CDK14: variants seen among roughly 807,000 people sequenced by gnomAD.
CDK14 encodes the protein cyclin dependent kinase 14.
A neutral mutation model predicts 60.7 loss-of-function variants in CDK14; 34 were observed. The ratio of observed to expected loss-of-function variants is 0.56; its 90% CI spans 0.43 to 0.75. The LOEUF (loss-of-function observed/expected upper bound fraction) is 0.75, where lower values mean the gene tolerates loss of function less well. Ranked by LOEUF, CDK14 falls within the 30% of genes least tolerant of loss-of-function variation. The pLI, the probability that CDK14 is intolerant of heterozygous loss-of-function variation, is 0.00. For missense variants in CDK14, 482 were observed against 564.1 expected, an observed-to-expected ratio of 0.85 and a Z score of 1.47; for synonymous variants, 197 against 203.7, an observed-to-expected ratio of 0.97 and a Z score of 0.28.
intron 9 of CDK14, among the ~76,000 whole-genome samples, chr7:90,958,962 G>A (rs1272783597): frequency 6.6e-6 from 1 of 152,108 alleles, no homozygotes; most frequent in Non-Finnish European, 1.5e-5. Flanking sequence ...AATGGACTGT[G>A]ACATAATATG....
intron 12 of CDK14, among the ~76,000 whole-genome samples, chr7:91,089,671 A>G (rs888047996): frequency 6.6e-6 from 1 of 151,926 alleles, no homozygotes; most frequent in Non-Finnish European, 1.5e-5. Flanking sequence ...TGTCTCTGTT[A>G]GAGAAGCCAG....
intron 2 of CDK14, among the ~76,000 whole-genome samples, chr7:90,645,080 A>G (rs1800431642): frequency 6.6e-6 from 1 of 152,170 alleles, no homozygotes; most frequent in South Asian, 2.1e-4. Flanking sequence ...GGCAGAAAGG[A>G]TGAGAGTTCC....
At chr7:91,182,844 T>G (rs1802046663) in intron 14 of CDK14, among the ~76,000 whole-genome samples, 1 of 152,214 alleles carries the variant, frequency 6.6e-6, no homozygotes, top group Non-Finnish European at 1.5e-5. Context: ...GTGAGATTAT[T>G]TGGAGACTCA....
At chr7:90,838,059 T>A (rs369729278) in intron 5 of CDK14, among the ~76,000 whole-genome samples, 1 of 152,044 alleles carries the variant, frequency 6.6e-6, no homozygotes, top group Admixed American at 6.6e-5. Flanking sequence ...GGTGGTCGAG[T>A]GTTGCAGGAA....
chr7:91,187,887 G>C (rs1367236985), intron 14 of CDK14, among the ~76,000 whole-genome samples: 2 of 151,102 alleles, frequency 1.3e-5, no homozygotes, highest in Non-Finnish European at 3.0e-5. Flanking sequence ...GCGCCATACT[G>C]TCTTCTCCTT....
intron 14 of CDK14, among the ~76,000 whole-genome samples, chr7:91,189,217 T>C (rs1802278749): frequency 6.6e-6 from 1 of 152,182 alleles, no homozygotes; most frequent in African/African-American, 2.4e-5. Flanking sequence ...TAAATAATGC[T>C]CATCAACTAA....
intron 4 of CDK14, among the ~76,000 whole-genome samples, chr7:90,775,324 A>G (rs1253166558): frequency 6.6e-6 from 1 of 152,198 alleles, no homozygotes; most frequent in Non-Finnish European, 1.5e-5. Flanking sequence ...ATTTTTAGAT[A>G]CAGTATGATA....
intron 14 of CDK14, among the ~76,000 whole-genome samples, chr7:91,142,485 T>G (rs990158218): frequency 6.6e-6 from 1 of 152,226 alleles, no homozygotes; most frequent in Non-Finnish European, 1.5e-5. Context: ...GTGTCAAATG[T>G]AAAAATAGCC....
chr7:90,811,230 CA>C (rs1470447953), intron 5 of CDK14, among the ~76,000 whole-genome samples: 24 of 152,104 alleles, frequency 1.6e-4, no homozygotes, highest in Non-Finnish European at 1.5e-5. Flanking sequence ...TACAAGGCTA[CA>C]GTAACCAAAA....
Position 91,173,377 on chromosome 7 carries a change from T to G in CDK14, c.*29-33788T>G, listed in dbSNP as rs1460599066. Among the ~76,000 whole-genome samples the G allele has an allele frequency of 2.6e-5, 4 of 151,762 alleles. No homozygotes were observed. The East Asian group carries it at 7.8e-4, about 29-fold the overall frequency. On this transcript the variant is annotated intron_variant, in intron 14 of 14. Coordinates refer to ENST00000380050, the MANE Select transcript of CDK14 (RefSeq NM_001287135.2). ...GGGAGGTTGGAGCAATGGGATCACT[T>G]GAGCCCAGGAATTCAAGACCAGCCT...
intron 2 of CDK14, among the ~76,000 whole-genome samples, chr7:90,617,790 G>C (rs186531100): frequency 1.3e-5 from 2 of 151,988 alleles, no homozygotes; most frequent in Admixed American, 6.6e-5. Flanking sequence ...TTGATCCTTC[G>C]GGTAGTAATT....
chr7:91,079,536 A>G (rs1226692177), intron 12 of CDK14, 56 bp downstream of exon 12: 4 of 1,208,490 alleles, frequency 3.3e-6, no homozygotes, highest in South Asian at 2.5e-5. Context: ...AATATTTACA[A>G]CTCTTCTCAT....
intron 4 of CDK14, among the ~76,000 whole-genome samples, chr7:90,786,546 C>A (rs1422950800): frequency 1.3e-5 from 2 of 152,052 alleles, no homozygotes; most frequent in South Asian, 2.1e-4. Flanking sequence ...AGTAATATAT[C>A]TTTTTGATAT....
chr7:90,907,431 C>T (rs913562780), intron 7 of CDK14, among the ~76,000 whole-genome samples: 4 of 151,854 alleles, frequency 2.6e-5, no homozygotes. Context: ...GCATGAGAGA[C>T]TGAAAATTAA....
chr7:91,010,045 C>G (rs1360313756), intron 10 of CDK14, among the ~76,000 whole-genome samples: 1 of 152,094 alleles, frequency 6.6e-6, no homozygotes, highest in Non-Finnish European at 1.5e-5. Context: ...GTGGAAAAGA[C>G]TATCCTTTCT....
At chr7:90,630,143 A>C (rs1380191205) in intron 2 of CDK14, among the ~76,000 whole-genome samples, 1 of 152,220 alleles carries the variant, frequency 6.6e-6, no homozygotes, top group Non-Finnish European at 1.5e-5. Flanking sequence ...TTAACATTTA[A>C]AGACAACTAT....
intron 10 of CDK14, among the ~76,000 whole-genome samples, chr7:91,014,884 A>G (rs1220127298): frequency 2.6e-5 from 4 of 152,188 alleles, no homozygotes; most frequent in Non-Finnish European, 4.4e-5. Context: ...CCAACTGTGA[A>G]ATCCCCTTTC....
At chr7:91,053,097 A>T (rs697415) in intron 11 of CDK14, among the ~76,000 whole-genome samples, 20,341 of 152,254 alleles carry the variant, frequency 0.13, 1,483 homozygotes, top group Middle Eastern at 0.16. Flanking sequence ...TTCCAGAGGG[A>T]GGAAGTAAAT....
At chr7:90,721,620 A>G (rs976574638) in intron 2 of CDK14, among the ~76,000 whole-genome samples, 2 of 152,140 alleles carry the variant, frequency 1.3e-5, no homozygotes, top group Non-Finnish European at 2.9e-5. Flanking sequence ...ACTGGAATCT[A>G]TTACTTTCCA....
Sources: allele counts gnomAD v4.1 joint callset (sites outside exome capture counted in the v4.1 genomes callset), GRCh38; gene constraint gnomAD v4.1.1; transcripts MANE v1.5; gene names NCBI Gene and HGNC (gene_info 2026-07-23, HGNC 2026-07-21).